The following RUFY3 variants were observed in gnomAD, a reference collection of about 807,000 sequenced individuals.
The protein encoded by RUFY3 is protein RUFY3.
A neutral mutation model predicts 84.0 loss-of-function variants in RUFY3; 34 were observed. That is an observed-to-expected ratio of 0.40 (90% CI 0.31 to 0.54). The LOEUF is 0.54. RUFY3 is among the 20% of genes least tolerant of loss of function. The probability of loss-of-function intolerance (pLI) is 0.39; values close to 1 mark genes in which losing one functional copy is unlikely to be tolerated. For missense variants in RUFY3, 507 were observed against 736.8 expected (o/e 0.69, Z 3.61); for synonymous variants, 242 against 252.9 (o/e 0.96, Z 0.41).
At chr4:70,726,830 G>A (rs1718334455) in intron 1 of RUFY3, among the ~76,000 whole-genome samples, 1 of 152,218 alleles carries the variant, frequency 6.6e-6, no homozygotes, top group South Asian at 2.1e-4. Context: ...AAAGGAGTGA[G>A]ACTTAAATGG....
intron 1 of RUFY3, among the ~76,000 whole-genome samples, chr4:70,759,092 GAACT>G (rs1724549801): frequency 6.6e-6 from 1 of 151,516 alleles, no homozygotes; most frequent in Non-Finnish European, 1.5e-5. Flanking sequence ...CAGAACACTA[GAACT>G]TACTCATCTT....
intron 1 of RUFY3, among the ~76,000 whole-genome samples, chr4:70,725,831 G>A (rs1051144404): frequency 1.3e-5 from 2 of 152,142 alleles, no homozygotes; most frequent in Non-Finnish European, 2.9e-5. Flanking sequence ...ACAGTGAGCT[G>A]GCCCAGCCAG....
At chr4:70,761,799 A>G (rs78263610) in intron 1 of RUFY3, among the ~76,000 whole-genome samples, 3,146 of 152,358 alleles carry the variant, frequency 0.021, 116 homozygotes, top group East Asian at 0.16. Flanking sequence ...ATGCTAGTGC[A>G]TAGTTTAAAG....
chr4:70,799,928 C>G (rs1236057529), intron 14 of RUFY3: 4 of 454,282 alleles, frequency 8.8e-6, no homozygotes, highest in Non-Finnish European at 1.5e-5. Context: ...TAAAATATTA[C>G]TTTGAAAATC....
At chr4:70,735,475 G>A (rs1354681177) in intron 1 of RUFY3, among the ~76,000 whole-genome samples, 1 of 152,112 alleles carries the variant, frequency 6.6e-6, no homozygotes, top group Non-Finnish European at 1.5e-5. Flanking sequence ...TGGCTGCTAA[G>A]TAATTATATA....
At chr4:70,763,449 A>G in intron 2 of RUFY3, 103 bp from the exon 3 acceptor site, 1 of 774,804 alleles carries the variant, frequency 1.3e-6, no homozygotes, top group Non-Finnish European at 2.1e-6. Context: ...CTTATAACCT[A>G]GGATTGGTTT....
At chr4:70,704,572 G>C (rs375569852), upstream of RUFY3, 7 of 175,590 alleles carry the variant, frequency 4.0e-5, no homozygotes, top group African/African-American at 1.4e-4. Flanking sequence ...CAGGGCCCGA[G>C]GGTCGGGAGG....
At position 70,722,013 on chromosome 4, in the gene RUFY3, C is replaced by T; in HGVS notation, c.-561C>T. The T allele has an allele frequency of 8.1e-7, 1 of 1,232,200 alleles. No individual in the cohort carries two copies. Among genetic ancestry groups the T allele is most frequent in the Non-Finnish European group, 1.0e-6 (1 of 987,998 alleles). The allele number at this position is 1,232,200 out of a possible 1,614,324, so 76.3% of individuals were successfully genotyped here. Reference sequence around the variant, plus strand: ...CAACACCCTGCTTACTGCGCACGGCCAATCCTATGAGAACTCAGCATCCCA... The same window carrying T: ...CAACACCCTGCTTACTGCGCACGGCTAATCCTATGAGAACTCAGCATCCCA... On this transcript the variant is annotated 5_prime_UTR_variant, in exon 1 of 18. Transcript: ENST00000381006.
chr4:70,750,213 G>C (rs1297540105), intron 1 of RUFY3, among the ~76,000 whole-genome samples: 1 of 152,056 alleles, frequency 6.6e-6, no homozygotes, highest in Admixed American at 6.6e-5. Context: ...AAAAAGAATA[G>C]CTTAATGAAC....
chr4:70,803,809 G>A (rs368078497), intron 16 of RUFY3, among the ~76,000 whole-genome samples: 16 of 151,088 alleles, frequency 1.1e-4, no homozygotes, highest in East Asian at 5.8e-4. Flanking sequence ...TGCAACCTCC[G>A]CCTCCCAGGT....
intron 1 of RUFY3, among the ~76,000 whole-genome samples, chr4:70,714,019 C>T (rs568840835): frequency 8.5e-5 from 13 of 152,282 alleles, no homozygotes; most frequent in African/African-American, 2.9e-4. Flanking sequence ...TACTTTGTGC[C>T]AAGTGCCATG....
chr4:70,714,714 A>G (rs978665587), intron 1 of RUFY3, among the ~76,000 whole-genome samples: 7 of 152,242 alleles, frequency 4.6e-5, no homozygotes, highest in Non-Finnish European at 8.8e-5. Context: ...TAGATACGTA[A>G]GAGGTATGCA....
At chr4:70,727,337 G>C (rs1456609865) in intron 1 of RUFY3, among the ~76,000 whole-genome samples, 1 of 147,982 alleles carries the variant, frequency 6.8e-6, no homozygotes, top group African/African-American at 2.5e-5. Context: ...ATAATTCTAG[G>C]ATCAGGAAAG....
intron 4 of RUFY3, among the ~76,000 whole-genome samples, chr4:70,765,209 G>GTGTGTA (rs144995233): frequency 5.1e-5 from 7 of 137,210 alleles, no homozygotes; most frequent in African/African-American, 1.9e-4. Flanking sequence ...AAAAAAATGT[G>GTGTGTA]TATATATATA....
chr4:70,776,994 ACATACT>A (rs1170191758), intron 7 of RUFY3, among the ~76,000 whole-genome samples: 1 of 152,212 alleles, frequency 6.6e-6, no homozygotes, highest in Non-Finnish European at 1.5e-5. Flanking sequence ...TGTTTTTTAA[ACATACT>A]CATACTTCCC....
At chr4:70,711,382 G>A (rs1334909627) in intron 1 of RUFY3, among the ~76,000 whole-genome samples, 1 of 152,090 alleles carries the variant, frequency 6.6e-6, no homozygotes, top group African/African-American at 2.4e-5. Context: ...GAGGGAAATG[G>A]TCAAACTTTC....
intron 1 of RUFY3, among the ~76,000 whole-genome samples, chr4:70,747,271 A>G (rs1272153746): frequency 5.3e-5 from 8 of 152,222 alleles, no homozygotes; most frequent in Admixed American, 2.0e-4. Context: ...CACAAGAACA[A>G]CTGTAAAAAT....
chr4:70,711,146 A>G (rs1382852248), intron 1 of RUFY3, among the ~76,000 whole-genome samples: 1 of 149,516 alleles, frequency 6.7e-6, no homozygotes, highest in Non-Finnish European at 1.5e-5. Context: ...TAAAAAAGAG[A>G]TGAGGTCTCA....
At position 70,802,935 on chromosome 4, in the gene RUFY3, TTTTTTAC is replaced by T; in HGVS notation, c.1623-18_1623-12del. On this transcript the variant is annotated splice_polypyrimidine_tract_variant and intron_variant, in intron 15 of 17. Coordinates refer to ENST00000381006, the MANE Select transcript of RUFY3 (RefSeq NM_001037442.4). ...TACATGAAGTTCCTATTTGTCACAA[TTTTTTAC>T]TTCTCCATTGTAGGCTGCAACCCCA... The T allele has an allele frequency of 6.3e-7, 1 of 1,580,006 alleles. No individual in the cohort carries two copies. The highest frequency in any genetic ancestry group is 8.6e-7 in the Non-Finnish European group (1 of 1,160,010).
Sources: allele counts gnomAD v4.1 joint callset (sites outside exome capture counted in the v4.1 genomes callset), GRCh38; gene constraint gnomAD v4.1.1; transcripts MANE v1.5; gene names NCBI Gene and HGNC (gene_info 2026-07-23, HGNC 2026-07-21).